Variants in IQCE observed in about 807,000 individuals in gnomAD.
The protein encoded by IQCE is IQ domain-containing protein E.
Under a neutral mutation model 96.0 loss-of-function variants are expected in IQCE, and 115 were observed. The ratio of observed to expected loss-of-function variants is 1.20; its 90% confidence interval spans 1.03 to 1.40. The LOEUF is 1.40. Ranked by LOEUF, IQCE falls within the 40% of genes most tolerant of loss-of-function variation. The pLI is 0.00. For synonymous variants in IQCE, 412 were observed against 371.2 expected (o/e 1.11, Z -1.26); for missense variants, 1,041 against 909.1 (o/e 1.15, Z -1.87).
intron 6 of IQCE, among the ~76,000 whole-genome samples, chr7:2,574,592 T>A (rs1172144161): frequency 6.6e-6 from 1 of 152,236 alleles, no homozygotes; most frequent in African/African-American, 2.4e-5. Context: ...AAGACTGCGC[T>A]GAATGAACTC....
intron 13 of IQCE, among the ~76,000 whole-genome samples, chr7:2,589,151 T>G (rs963543137): frequency 9.9e-5 from 15 of 152,144 alleles, no homozygotes; most frequent in Non-Finnish European, 2.1e-4. Context: ...GAGGATTACT[T>G]GAGCCCAGGA....
intron 18 of IQCE, 132 bp from the exon 19 acceptor site, chr7:2,604,749 G>GT: frequency 1.6e-6 from 1 of 637,030 alleles, no homozygotes; most frequent in Non-Finnish European, 2.8e-6. Flanking sequence ...TTGAGAGAAC[G>GT]TGGCTGCACA....
In IQCE at chr7:2,601,945, C is replaced by T. The variant is rs184252584; in HGVS notation, c.1632+481C>T. ...AAATAAATATTTCGATAATTTCCCA[C>T]TTTCAAAATCTCTTCATTCATTCCT... is the stretch of plus-strand genomic sequence containing the variant. On this transcript the variant is annotated intron_variant, in intron 18 of 21. Coordinates refer to ENST00000402050, the MANE Select transcript of IQCE (RefSeq NM_152558.5). The T allele has an allele frequency of 5.5e-5, 9 of 162,516 alleles. No homozygotes were observed. The East Asian group carries it at 1.7e-3, about 31-fold the overall frequency. The allele number at this position is 162,516 out of a possible 1,614,324, so 10.1% of individuals were successfully genotyped here.
At chr7:2,603,244 G>T (rs73035504) in intron 18 of IQCE, among the ~76,000 whole-genome samples, 1 of 152,026 alleles carries the variant, frequency 6.6e-6, no homozygotes, top group African/African-American at 2.4e-5. Flanking sequence ...CCCACAGCCC[G>T]CTGCGGTTCC....
Position 2,578,349 on chromosome 7 carries a change from C to T in IQCE, c.573C>T (p.Pro191=). 2 of 1,613,580 alleles carry T rather than the reference C, an allele frequency of 1.2e-6. No individual in the cohort carries two copies. Among genetic ancestry groups the T allele is most frequent in the Non-Finnish European group, 1.7e-6 (2 of 1,179,814 alleles). ...KDRQIEQLLD[P]SRGTDFVRTL... ...GGCAGATAGAGCAGCTCCTGGATCC[C>T]AGCCGCGTAAGCTCCTGGCGCTTCA... Residue 191 remains proline (P), a synonymous_variant, in exon 7 of 22, where the codon CCC becomes CCT. Transcript: ENST00000402050.
At chr7:2,584,620 A>T (rs192563224) in intron 11 of IQCE, 119 of 255,726 alleles carry the variant, frequency 4.7e-4, no homozygotes, top group African/African-American at 2.5e-3. Flanking sequence ...CACAAGGACA[A>T]GTTTACTTTG....
chr7:2,572,212 A>T lies in IQCE; in HGVS notation c.280A>T (p.Asn94Tyr), dbSNP rs1781802155. 1.9e-6 allele frequency: 3 copies of T among 1,614,170 alleles called. No individual in the cohort carries two copies. The highest frequency in any genetic ancestry group is 1.7e-6 in the Non-Finnish European group (2 of 1,180,004). ...ACCAGGAAGTCTGACCCAGGCCCTG[A>T]ACTCACCCCTCACCTGGGAGCATGC... ...AKPGSLTQALNSPLTWEHAWT... is the reference protein window; with the variant it reads ...AKPGSLTQALYSPLTWEHAWT... Residue 94 changes from asparagine to tyrosine, a missense_variant, in exon 5 of 22, where the codon AAC becomes TAC. Asn to Tyr is a moderately radical substitution (Grantham distance 143). Coordinates refer to ENST00000402050, the MANE Select transcript of IQCE (RefSeq NM_152558.5).
chr7:2,572,575 C>G (rs1781836182), intron 5 of IQCE: 3 of 627,790 alleles, frequency 4.8e-6, no homozygotes, highest in Non-Finnish European at 8.6e-6. Context: ...GTACCTCCCT[C>G]CCTAAACATA....
intron 5 of IQCE, 148 bp downstream of exon 5, chr7:2,572,474 GCAGTGACTCACA>G (rs1265946589): frequency 2.3e-6 from 2 of 866,996 alleles, no homozygotes; most frequent in Non-Finnish European, 3.5e-6. Context: ...GGTCGTGGGA[GCAGTGACTCACA>G]CAGTGACTCA....
At chr7:2,580,892 G>C (rs1010873363) in intron 8 of IQCE, among the ~76,000 whole-genome samples, 1 of 152,180 alleles carries the variant, frequency 6.6e-6, no homozygotes, top group East Asian at 1.9e-4. Flanking sequence ...GGAGTGGCCA[G>C]GTCAGAGTAT....
intron 13 of IQCE, among the ~76,000 whole-genome samples, chr7:2,588,601 C>A (rs142710557): frequency 0.018 from 2,729 of 149,142 alleles, 49 homozygotes; most frequent in Admixed American, 0.026. Flanking sequence ...GATCCACCCA[C>A]CTTGGCCTCC....
intron 12 of IQCE, among the ~76,000 whole-genome samples, chr7:2,587,016 C>T (rs1457058849): frequency 1.3e-5 from 2 of 152,150 alleles, no homozygotes; most frequent in Non-Finnish European, 2.9e-5. Flanking sequence ...CTTGTCTAGT[C>T]GGGCTGCTGG....
chr7:2,594,542 C>G (rs753782104), intron 15 of IQCE, among the ~76,000 whole-genome samples: 2 of 152,376 alleles, frequency 1.3e-5, no homozygotes, highest in Non-Finnish European at 2.9e-5. Context: ...TCACAGGCGT[C>G]CGGCCTGGCC....
At chr7:2,591,635 T>C (rs1172089465) in intron 14 of IQCE, among the ~76,000 whole-genome samples, 1 of 150,930 alleles carries the variant, frequency 6.6e-6, no homozygotes, top group African/African-American at 2.4e-5. Context: ...TTTTTTTTTT[T>C]TTTGAGACAG....
chr7:2,604,132 G>T (rs537604363), intron 18 of IQCE, among the ~76,000 whole-genome samples: 142 of 338 alleles, frequency 0.42, 1 homozygote, highest in African/African-American at 0.48. Flanking sequence ...GGGACTACAG[G>T]CATGCGCGCC....
At chr7:2,567,652 A>G (rs952425893) in intron 2 of IQCE, among the ~76,000 whole-genome samples, 1 of 152,254 alleles carries the variant, frequency 6.6e-6, no homozygotes, top group African/African-American at 2.4e-5. Flanking sequence ...TTGTTTGGCA[A>G]GCTGTGCTGG....
rs115553234 is a variant in IQCE, at chr7:2,596,886, A to G, written c.1441-1579A>G. Reference sequence around the variant, plus strand: ...AGGGCCGGAATGCTGGTGCCAAGCAACTTGTTGCCACAGCTAAAGAGATCT... The same window carrying G: ...AGGGCCGGAATGCTGGTGCCAAGCAGCTTGTTGCCACAGCTAAAGAGATCT... On this transcript the variant is annotated intron_variant, in intron 16 of 21. Transcript: ENST00000402050. 1.9e-3 allele frequency: 823 copies of G among 441,530 alleles called. 9 individuals carry two copies. The highest frequency in any genetic ancestry group is 0.015 in the African/African-American group (735 of 49,362). The allele number at this position is 441,530 out of a possible 1,614,324, so 27.4% of individuals were successfully genotyped here.
At chr7:2,589,018 C>G (rs80052434) in intron 13 of IQCE, among the ~76,000 whole-genome samples, 2 of 151,952 alleles carry the variant, frequency 1.3e-5, no homozygotes, top group African/African-American at 4.8e-5. Flanking sequence ...TTTGGCCAAG[C>G]AAAATAAACC....
At chr7:2,570,014 C>T (rs1053133014) in intron 3 of IQCE, among the ~76,000 whole-genome samples, 6 of 152,094 alleles carry the variant, frequency 3.9e-5, no homozygotes, top group Non-Finnish European at 7.4e-5. Context: ...GACTCACACT[C>T]GGGACCTGTT....
Sources: allele counts gnomAD v4.1 joint callset (sites outside exome capture counted in the v4.1 genomes callset), GRCh38; gene constraint gnomAD v4.1.1; transcripts MANE v1.5; gene names NCBI Gene and HGNC (gene_info 2026-07-23, HGNC 2026-07-21).